Variants in ASB3 observed in about 807,000 individuals in gnomAD.
ASB3 encodes ankyrin repeat and SOCS box protein 3.
A neutral mutation model predicts 54.5 loss-of-function variants in ASB3; 41 were observed. The ratio of observed to expected loss-of-function variants is 0.75; its 90% CI spans 0.59 to 0.98. ASB3 has a LOEUF of 0.98. Ranked by LOEUF, ASB3 falls within the 50% of genes least tolerant of loss-of-function variation. ASB3 has a pLI of 0.00. For synonymous variants in ASB3, 266 were observed against 221.2 expected (o/e 1.20, Z -1.80); for missense variants, 733 against 620.0 (o/e 1.18, Z -1.94).
At chr2:53,781,126 A>G (rs910373547) in intron 1 of ASB3, among the ~76,000 whole-genome samples, 1 of 152,212 alleles carries the variant, frequency 6.6e-6, no homozygotes, top group South Asian at 2.1e-4. Context: ...ACAAAAAAGG[A>G]AGCCGGGCAA....
intron 9 of ASB3, among the ~76,000 whole-genome samples, chr2:53,683,431 T>G (rs1206212169): frequency 3.9e-5 from 6 of 152,204 alleles, no homozygotes; most frequent in Admixed American, 1.3e-4. Context: ...TTTTTGGTTT[T>G]GTTTTGTTTT....
intron 9 of ASB3, among the ~76,000 whole-genome samples, chr2:53,678,893 T>C (rs1316317264): frequency 6.6e-6 from 1 of 152,212 alleles, no homozygotes; most frequent in African/African-American, 2.4e-5. Flanking sequence ...AGCATTCTTA[T>C]ACTTCTTGTG....
chr2:53,736,641 G>A (rs1186656199), intron 3 of ASB3, among the ~76,000 whole-genome samples: 2 of 151,522 alleles, frequency 1.3e-5, no homozygotes, highest in African/African-American at 4.9e-5. Context: ...GGAGCTTGCA[G>A]TGAGCCGAAA....
chr2:53,703,891 T>C (rs552951617), intron 7 of ASB3, among the ~76,000 whole-genome samples: 2 of 152,188 alleles, frequency 1.3e-5, no homozygotes, highest in Admixed American at 1.3e-4. Flanking sequence ...AAAAATAAAA[T>C]TTTTAAACTT....
At position 53,729,469 on chromosome 2, in the gene ASB3, C is replaced by A; in HGVS notation, c.457G>T (p.Ala153Ser). Residue 153 changes from alanine to serine, a missense_variant, in exon 4 of 10, where the codon GCT becomes TCT. Ala to Ser is a moderately conservative substitution (Grantham distance 99). Transcript: ENST00000263634. ...SMCGWNSLHQ[A>S]SFQENAEIIK... ...AATTCAGAGGTTACCTGAAAAGAAG[C>A]CTGGTGCAAGGAGTTCCATCCACAC... is the stretch of plus-strand genomic sequence containing the variant. 1.2e-6 allele frequency: 2 copies of A among 1,613,640 alleles called. No individual in the cohort carries two copies. Among genetic ancestry groups the A allele is most frequent in the African/African-American group, 1.3e-5 (1 of 75,000 alleles).
At chr2:53,687,327 A>G (rs1490852168) in intron 9 of ASB3, among the ~76,000 whole-genome samples, 1 of 152,202 alleles carries the variant, frequency 6.6e-6, no homozygotes, top group Non-Finnish European at 1.5e-5. Context: ...AATGTAGGCA[A>G]TGTTAACCAA....
chr2:53,697,355 T>A (rs1043632512), intron 8 of ASB3, among the ~76,000 whole-genome samples: 3 of 152,222 alleles, frequency 2.0e-5, no homozygotes, highest in Non-Finnish European at 2.9e-5. Context: ...ACAATAAGTA[T>A]AAGCAGCTCA....
chr2:53,689,249 G>A (rs1308083049), intron 9 of ASB3, among the ~76,000 whole-genome samples: 1 of 152,008 alleles, frequency 6.6e-6, no homozygotes, highest in Non-Finnish European at 1.5e-5. Flanking sequence ...TATTCTGTCT[G>A]CTGTTCATGC....
chr2:53,768,593 A>T (rs1032595476), intron 1 of ASB3, among the ~76,000 whole-genome samples: 10 of 152,242 alleles, frequency 6.6e-5, no homozygotes, highest in Non-Finnish European at 1.5e-4. Context: ...TAAGGAACTC[A>T]CTTTGGTTTT....
chr2:53,725,100 G>C (rs577002515), intron 5 of ASB3, among the ~76,000 whole-genome samples: 6 of 152,264 alleles, frequency 3.9e-5, no homozygotes, highest in African/African-American at 1.4e-4. Context: ...GGAATACTAC[G>C]CAGCCATAGA....
Position 53,670,576 on chromosome 2 carries a change from T to G in ASB3, c.1484A>C (p.His495Pro), listed in dbSNP as rs750015089. The G allele has an allele frequency of 6.2e-7, 1 of 1,614,066 alleles. No individual in the cohort carries two copies. Among genetic ancestry groups the G allele is most frequent in the Non-Finnish European group, 8.5e-7 (1 of 1,180,002 alleles). The part of the protein sequence containing the change: ...ISQLPLPRSL[H>P]NYLLYEDVLR... ...AACGTCTTCATAGAGCAAATAATTA[T>G]GTAGGCTTCTGGGAAGTGGCAGCTG... Residue 495 changes from histidine to proline, a missense_variant, in exon 10 of 10, where the codon CAT becomes CCT. Coordinates refer to ENST00000263634, the MANE Select transcript of ASB3 (RefSeq NM_016115.5).
At chr2:53,715,452 G>C (rs17520854) in intron 6 of ASB3, among the ~76,000 whole-genome samples, 6,583 of 152,230 alleles carry the variant, frequency 0.043, 225 homozygotes, top group Admixed American at 0.1. Context: ...ACTCACAAAA[G>C]GGGTTACCTT....
In ASB3 at chr2:53,670,666, A is replaced by G. The variant is rs1429270381; in HGVS notation, c.1394T>C (p.Leu465Pro). The G allele has an allele frequency of 9.9e-6, 16 of 1,613,878 alleles. No individual in the cohort carries two copies. The highest frequency in any genetic ancestry group is 1.4e-5 in the Non-Finnish European group (16 of 1,179,956). The change falls in exon 10 of 10, where the codon CTT becomes CCT. Residue 465 changes from leucine to proline, a missense_variant. Transcript: ENST00000263634. ...ACTGGACCGAATTTCCAAACGACAA[A>G]GATGGGTCAGGGATGGAACAGTGGC... ...HIATVPSLTH[L>P]CRLEIRSSLK... is the part of the protein sequence containing the mutation.
intron 2 of ASB3, among the ~76,000 whole-genome samples, chr2:53,762,362 A>T (rs1251072444): frequency 6.6e-6 from 1 of 152,222 alleles, no homozygotes; most frequent in Admixed American, 6.5e-5. Flanking sequence ...CTTAGAGGTT[A>T]AAAAACCTGT....
chr2:53,736,159 T>C (rs149451245), intron 3 of ASB3, among the ~76,000 whole-genome samples: 1 of 152,286 alleles, frequency 6.6e-6, no homozygotes, highest in East Asian at 1.9e-4. Context: ...AGATAAATTA[T>C]TTTTAAAACA....
chr2:53,779,489 T>C (rs540969034), intron 1 of ASB3, among the ~76,000 whole-genome samples: 77 of 152,064 alleles, frequency 5.1e-4, no homozygotes, highest in African/African-American at 1.8e-3. Context: ...CAGGCTGGAG[T>C]GCAGTGGCAC....
intron 2 of ASB3, among the ~76,000 whole-genome samples, chr2:53,759,197 C>A (rs1486960600): frequency 6.6e-6 from 1 of 152,172 alleles, no homozygotes; most frequent in South Asian, 2.1e-4. Context: ...TAGACCCTCA[C>A]TGGGACGCAA....
chr2:53,781,326 C>T (rs1186309922), intron 1 of ASB3, among the ~76,000 whole-genome samples: 3 of 151,174 alleles, frequency 2.0e-5, no homozygotes, highest in Non-Finnish European at 4.4e-5. Flanking sequence ...GTGGGAGGAT[C>T]ACTTTAGCCC....
At chr2:53,763,848 A>T (rs977903160) in intron 2 of ASB3, among the ~76,000 whole-genome samples, 3 of 152,242 alleles carry the variant, frequency 2.0e-5, no homozygotes, top group Non-Finnish European at 2.9e-5. Flanking sequence ...TTCTGAAAAC[A>T]TATCTTAAGC....
Sources: gnomAD v4.1 joint callset for allele counts (sites outside exome capture counted in the v4.1 genomes callset) on GRCh38, gnomAD v4.1.1 for gene constraint, MANE v1.5 for transcripts, NCBI Gene and HGNC (gene_info 2026-07-23, HGNC 2026-07-21) for gene names.